LRRTM4: variants seen among roughly 807,000 people sequenced by gnomAD.
The protein encoded by LRRTM4 is leucine-rich repeat transmembrane neuronal protein 4.
LRRTM4 carries 25 observed loss-of-function variants against 47.6 expected under a neutral mutation model. The ratio of observed to expected loss-of-function variants is 0.53; its 90% CI spans 0.38 to 0.73. LRRTM4 has a LOEUF of 0.73. LRRTM4 is among the 30% of genes least tolerant of loss of function. The pLI is 0.00. For synonymous variants in LRRTM4, 311 were observed against 269.5 expected, an observed-to-expected ratio of 1.15 and a Z score of -1.51; for missense variants, 638 against 713.4, an observed-to-expected ratio of 0.89 and a Z score of 1.20.
intron 3 of LRRTM4, among the ~76,000 whole-genome samples, chr2:77,274,718 G>T (rs1189747784): frequency 3.3e-5 from 5 of 152,216 alleles, no homozygotes; most frequent in Non-Finnish European, 7.4e-5. Context: ...TAATAGCATA[G>T]CTCATTCCAA....
chr2:76,805,395 A>G (rs552460761), intron 3 of LRRTM4, among the ~76,000 whole-genome samples: 1 of 152,288 alleles, frequency 6.6e-6, no homozygotes, highest in East Asian at 1.9e-4. Context: ...TAAATAAACT[A>G]TCATTTTATA....
intron 3 of LRRTM4, among the ~76,000 whole-genome samples, chr2:77,165,102 T>G (rs948937879): frequency 6.6e-6 from 1 of 151,810 alleles, no homozygotes; most frequent in African/African-American, 2.4e-5. Flanking sequence ...AAGAATCAAA[T>G]AGATGCAATA....
At chr2:77,450,688 C>A (rs1217472739) in intron 3 of LRRTM4, among the ~76,000 whole-genome samples, 2 of 152,040 alleles carry the variant, frequency 1.3e-5, no homozygotes, top group Admixed American at 1.3e-4. Context: ...TGGTTATATA[C>A]TAATGGCTTG....
intron 3 of LRRTM4, among the ~76,000 whole-genome samples, chr2:76,822,679 T>G (rs1294394065): frequency 6.6e-6 from 1 of 151,466 alleles, no homozygotes; most frequent in East Asian, 1.9e-4. Context: ...AAGGAGAAAT[T>G]AGTTAATACT....
chr2:77,012,571 T>C (rs1229092609), intron 3 of LRRTM4, among the ~76,000 whole-genome samples: 1 of 152,196 alleles, frequency 6.6e-6, no homozygotes, highest in Non-Finnish European at 1.5e-5. Flanking sequence ...TCATTGCACG[T>C]TAAAGTTCTA....
intron 3 of LRRTM4, among the ~76,000 whole-genome samples, chr2:76,979,696 CGATAGATAGATA>C (rs71376811): frequency 1.4e-4 from 21 of 146,550 alleles, no homozygotes; most frequent in East Asian, 1.4e-3. Context: ...AGAGTATAAG[CGATAGATAGATA>C]GATAGATAGA....
At chr2:77,230,174 C>T (rs1674925057) in intron 3 of LRRTM4, among the ~76,000 whole-genome samples, 1 of 152,060 alleles carries the variant, frequency 6.6e-6, no homozygotes, top group Non-Finnish European at 1.5e-5. Flanking sequence ...CAAGTCATAT[C>T]CTTTGCATTC....
At chr2:77,023,628 G>A (rs1573464693) in intron 3 of LRRTM4, among the ~76,000 whole-genome samples, 1 of 152,266 alleles carries the variant, frequency 6.6e-6, no homozygotes, top group East Asian at 1.9e-4. Flanking sequence ...TTGGTCAGGG[G>A]CACAATGCTG....
intron 3 of LRRTM4, among the ~76,000 whole-genome samples, chr2:76,935,283 T>C (rs1023487823): frequency 5.3e-5 from 8 of 152,134 alleles, no homozygotes; most frequent in African/African-American, 1.9e-4. Context: ...AGTCAGGTAG[T>C]GTGATGCCTC....
At chr2:77,102,091 T>C (rs1334783393) in intron 3 of LRRTM4, among the ~76,000 whole-genome samples, 1 of 152,212 alleles carries the variant, frequency 6.6e-6, no homozygotes, top group African/African-American at 2.4e-5. Flanking sequence ...GGCAACTGGC[T>C]CCAGCCTGCA....
intron 3 of LRRTM4, among the ~76,000 whole-genome samples, chr2:77,212,624 T>G (rs1388754400): frequency 6.6e-6 from 1 of 151,602 alleles, no homozygotes; most frequent in African/African-American, 2.4e-5. Flanking sequence ...TATAGAAATT[T>G]AGATGAACTG....
intron 3 of LRRTM4, among the ~76,000 whole-genome samples, chr2:77,345,964 C>G (rs748345390): frequency 1.2e-4 from 18 of 151,082 alleles, no homozygotes; most frequent in Admixed American, 4.6e-4. Context: ...GTCCAAATAC[C>G]CTTTCTGACT....
At chr2:77,424,952 ATGCT>A (rs2103890474) in intron 3 of LRRTM4, among the ~76,000 whole-genome samples, 1 of 152,224 alleles carries the variant, frequency 6.6e-6, no homozygotes, top group South Asian at 2.1e-4. Flanking sequence ...TTTATTTTAG[ATGCT>A]TGATGTTTTA....
At chr2:77,034,005 T>C (rs1266389417) in intron 3 of LRRTM4, among the ~76,000 whole-genome samples, 2 of 151,806 alleles carry the variant, frequency 1.3e-5, no homozygotes, top group African/African-American at 4.8e-5. Flanking sequence ...TATAAAAGTA[T>C]GCTTAGTATA....
intron 3 of LRRTM4, among the ~76,000 whole-genome samples, chr2:77,405,774 GT>G (rs1321213327): frequency 6.6e-6 from 1 of 152,064 alleles, no homozygotes; most frequent in East Asian, 1.9e-4. Context: ...TGTTTTTAGT[GT>G]TGAATACCTT....
In LRRTM4 at chr2:77,522,257, T is replaced by C; in HGVS notation, c.-296A>G. 1.6e-6 allele frequency: 1 copy of C among 620,702 alleles called. No individual in the cohort carries two copies. The highest frequency in any genetic ancestry group is 1.9e-5 in the South Asian group (1 of 53,288). The allele number at this position is 620,702 out of a possible 1,614,324, so 38.4% of individuals were successfully genotyped here. A position where few individuals can be genotyped will look rare whatever the true frequency, so the allele number is the denominator to read the frequency against. On this transcript the variant is annotated 5_prime_UTR_variant, in exon 1 of 4. Transcript: ENST00000409884. ...AGGCTAGGTTTATCCATTTAGCTGG[T>C]CAGGTTTAAAGTGTTTTGTAGCTGT...
intron 3 of LRRTM4, among the ~76,000 whole-genome samples, chr2:77,019,813 A>C (rs1054355044): frequency 1.3e-5 from 2 of 152,124 alleles, no homozygotes; most frequent in Admixed American, 1.3e-4. Context: ...ATATAATAAA[A>C]ATTTTAAAAC....
chr2:77,217,912 A>G (rs541721231), intron 3 of LRRTM4, among the ~76,000 whole-genome samples: 2 of 152,338 alleles, frequency 1.3e-5, no homozygotes, highest in African/African-American at 4.8e-5. Context: ...GTTGGCTACT[A>G]CACTCATTGT....
chr2:77,087,236 A>G (rs1375870996), intron 3 of LRRTM4, among the ~76,000 whole-genome samples: 1 of 152,224 alleles, frequency 6.6e-6, no homozygotes. Context: ...GAATTCTGAA[A>G]GGCCTATTTC....
Sources: gnomAD v4.1 joint callset for allele counts (sites outside exome capture counted in the v4.1 genomes callset) on GRCh38, gnomAD v4.1.1 for gene constraint, MANE v1.5 for transcripts, NCBI Gene and HGNC (gene_info 2026-07-23, HGNC 2026-07-21) for gene names.